Variants in PLEKHG1 observed in about 807,000 individuals in gnomAD.
The protein encoded by PLEKHG1 is pleckstrin homology and RhoGEF domain containing G1, also known as pleckstrin homology domain-containing family G member 1.
In PLEKHG1, 44 loss-of-function variants were observed where a neutral mutation model predicts 100.8. That is an observed-to-expected ratio of 0.44 (90% CI 0.34 to 0.56). The LOEUF (loss-of-function observed/expected upper bound fraction) is 0.56. PLEKHG1 is among the 20% of genes least tolerant of loss of function. The pLI, the probability that PLEKHG1 is intolerant of heterozygous loss-of-function variation, is 0.01. For synonymous variants in PLEKHG1, 640 were observed against 662.5 expected, an observed-to-expected ratio of 0.97 and a Z score of 0.52; for missense variants, 1,545 against 1,720.9, an observed-to-expected ratio of 0.90 and a Z score of 1.81.
intron 1 of PLEKHG1, among the ~76,000 whole-genome samples, chr6:150,612,015 C>T (rs1057300745): frequency 5.4e-5 from 8 of 149,446 alleles, no homozygotes; most frequent in African/African-American, 1.7e-4. Flanking sequence ...ATCTCTATTT[C>T]CAGACCTACT....
At chr6:150,628,309 TTGC>T (rs772800902) in intron 1 of PLEKHG1, among the ~76,000 whole-genome samples, 6 of 152,184 alleles carry the variant, frequency 3.9e-5, no homozygotes, top group Non-Finnish European at 5.9e-5. Context: ...TTACTGTAAA[TTGC>T]TGCTGCTGTT....
chr6:150,797,982 A>G (rs1786457047), intron 5 of PLEKHG1, among the ~76,000 whole-genome samples: 1 of 152,000 alleles, frequency 6.6e-6, no homozygotes, highest in Non-Finnish European at 1.5e-5. Flanking sequence ...AAATAAATAA[A>G]TAGAACCACA....
intron 2 of PLEKHG1, among the ~76,000 whole-genome samples, chr6:150,644,906 A>G (rs1778428024): frequency 1.3e-5 from 2 of 152,132 alleles, no homozygotes; most frequent in South Asian, 4.1e-4. Flanking sequence ...TATCATTATT[A>G]TAATATAAAG....
At chr6:150,787,797 G>A (rs533724085) in intron 4 of PLEKHG1, among the ~76,000 whole-genome samples, 1 of 152,110 alleles carries the variant, frequency 6.6e-6, no homozygotes, top group African/African-American at 2.4e-5. Context: ...ACAATCCATG[G>A]GCTCTCCTGA....
chr6:150,831,843 G>A lies in PLEKHG1; in HGVS notation c.2732G>A (p.Ser911Asn). Residue 911 changes from serine (S) to asparagine (N), a missense_variant, in exon 15 of 16, where the codon AGC (serine) becomes AAC (asparagine). By Grantham distance (46) the Ser-to-Asn change is conservative. Coordinates refer to ENST00000358517, the Ensembl canonical transcript of PLEKHG1. This position sits in a 1 kb window ranked among gnomAD's most constrained non-coding sequence, Gnocchi z 4.1. ...GTGAAGAGCAGGGCTGGCAGAGCCAGCCGCGCCAACTGCCCCTTTGAGGAA... is the reference window on the plus strand; with the variant it reads ...GTGAAGAGCAGGGCTGGCAGAGCCAACCGCGCCAACTGCCCCTTTGAGGAA... 1.9e-6 allele frequency: 3 copies of A among 1,612,502 alleles called. No individual in the cohort carries two copies. The highest frequency in any genetic ancestry group is 2.5e-6 in the Non-Finnish European group (3 of 1,179,166).
chr6:150,721,924 T>A (rs1021474452), intron 1 of PLEKHG1, among the ~76,000 whole-genome samples: 1 of 152,188 alleles, frequency 6.6e-6, no homozygotes, highest in African/African-American at 2.4e-5. Context: ...TAATTTAAAA[T>A]ATTTAGATAT....
rs5880898 is a variant in PLEKHG1 at position 150,769,584 on chromosome 6, CAAAA to C, written c.512+862_512+865del. On this transcript the variant is annotated intron_variant, in intron 3 of 15. Coordinates refer to ENST00000358517, the Ensembl canonical transcript of PLEKHG1. The stretch of plus-strand genomic sequence containing the variant: ...AGGGTGACAGAGCAAGACTCCATCT[CAAAA>C]AAAAAAAAAAAAAAAGAAAGAAAAA... 2.5e-3 allele frequency among the ~76,000 whole-genome samples: 161 copies of C among 64,338 alleles called. No individual in the cohort carries two copies. In the East Asian group the frequency reaches 0.052, roughly 21 times the overall value. 42.2% of individuals were successfully genotyped at this position (64,338 alleles called of 152,430 possible).
At chr6:150,803,273 C>T (rs774140363) in intron 6 of PLEKHG1, among the ~76,000 whole-genome samples, 3 of 152,108 alleles carry the variant, frequency 2.0e-5, no homozygotes, top group Non-Finnish European at 4.4e-5. Flanking sequence ...AACCTCCACC[C>T]GTTAGCTGAT....
intron 15 of PLEKHG1, among the ~76,000 whole-genome samples, chr6:150,835,230 C>T (rs940951902): frequency 2.0e-5 from 3 of 152,154 alleles, no homozygotes; most frequent in African/African-American, 7.2e-5. Context: ...CATCTTGTTC[C>T]ATCAGACCTT....
chr6:150,825,504 C>T (rs1583204634), intron 14 of PLEKHG1, among the ~76,000 whole-genome samples: 1 of 152,178 alleles, frequency 6.6e-6, no homozygotes, highest in African/African-American at 2.4e-5. Context: ...TCACTTCGGC[C>T]GAAGTTGTAA....
intron 3 of PLEKHG1, among the ~76,000 whole-genome samples, chr6:150,782,168 A>C (rs1321988402): frequency 6.6e-6 from 1 of 152,074 alleles, no homozygotes. Flanking sequence ...CTGTAATCCC[A>C]GCACTTTGGG....
intron 2 of PLEKHG1, among the ~76,000 whole-genome samples, chr6:150,644,841 G>C (rs1266067749): frequency 6.6e-6 from 1 of 152,056 alleles, no homozygotes; most frequent in Non-Finnish European, 1.5e-5. Context: ...AACATCACTG[G>C]AAGTTATTTT....
chr6:150,650,428 C>T (rs1778683578), intron 2 of PLEKHG1, among the ~76,000 whole-genome samples: 2 of 152,182 alleles, frequency 1.3e-5, no homozygotes, highest in Non-Finnish European at 1.5e-5. Context: ...TTTGAATTAT[C>T]TGAGTATTAT....
intron 1 of PLEKHG1, among the ~76,000 whole-genome samples, chr6:150,603,266 T>G (rs955988073): frequency 2.6e-5 from 4 of 152,148 alleles, no homozygotes; most frequent in Non-Finnish European, 5.9e-5. Flanking sequence ...ATCTCAGATA[T>G]TAATGTTTCA....
intron 3 of PLEKHG1, among the ~76,000 whole-genome samples, chr6:150,657,206 T>C (rs1779004631): frequency 6.6e-6 from 1 of 152,136 alleles, no homozygotes; most frequent in African/African-American, 2.4e-5. Context: ...TTAGCCGAAG[T>C]TGTTATTGAT....
intron 3 of PLEKHG1, among the ~76,000 whole-genome samples, chr6:150,779,376 C>T (rs968854781): frequency 2.6e-5 from 2 of 76,102 alleles, no homozygotes; most frequent in East Asian, 9.4e-4. Context: ...GACAGAGTCT[C>T]GTTCTGTCGC....
rs749448324 is a variant in PLEKHG1 at position 150,733,932 on chromosome 6, A to G, written c.251A>G (p.Glu84Gly). The change falls in exon 2 of 16, where the codon GAA becomes GGA. Residue 84 changes from glutamate to glycine, a missense_variant. Coordinates refer to ENST00000358517, the Ensembl canonical transcript of PLEKHG1. ...CAACAGAACGCGGATGAGGGCAGCG[A>G]AAGGCCACCCAGAGCGCAGTGGAGA... 29 of 1,614,240 alleles carry G rather than the reference A, an allele frequency of 1.8e-5. No homozygotes were observed. Among genetic ancestry groups the G allele is most frequent in the Non-Finnish European group, 2.4e-5 (28 of 1,180,042 alleles).
rs75472997 is a variant in PLEKHG1 at position 150,834,728 on chromosome 6, G to T, written c.3094+2523G>T. ...CCCCAGGATCTTTTCTCAGCTTTGC[G>T]TCTGGGTCCTTTCTTGACATGGTGG... On this transcript the variant is annotated intron_variant, in intron 15 of 15. Transcript: ENST00000358517. 3.8e-3 allele frequency among the ~76,000 whole-genome samples: 576 copies of T among 152,176 alleles called. 5 individuals carry two copies. Among genetic ancestry groups the T allele is most frequent in the Middle Eastern group, 0.017 (5 of 294 alleles).
At chr6:150,772,266 G>A (rs1156711070) in intron 3 of PLEKHG1, among the ~76,000 whole-genome samples, 1 of 152,228 alleles carries the variant, frequency 6.6e-6, no homozygotes, top group Non-Finnish European at 1.5e-5. Flanking sequence ...ACCTGGCTTA[G>A]TACACAACTG....
Sources: allele counts gnomAD v4.1 joint callset (sites outside exome capture counted in the v4.1 genomes callset), GRCh38; gene constraint gnomAD v4.1.1; non-coding constraint Gnocchi (gnomAD v3.1); transcripts MANE v1.5; gene names NCBI Gene and HGNC (gene_info 2026-07-23, HGNC 2026-07-21).